SH3TC2: variants seen among roughly 807,000 people sequenced by gnomAD.
The protein encoded by SH3TC2 is SH3 domain and tetratricopeptide repeats 2, also known as SH3 domain and tetratricopeptide repeat-containing protein 2.
In SH3TC2, 87 loss-of-function variants were observed where a neutral mutation model predicts 124.5. That is an observed-to-expected ratio of 0.70 (90% CI 0.59 to 0.84). The LOEUF is 0.84. Ranked by LOEUF, SH3TC2 falls within the 40% of genes least tolerant of loss-of-function variation. SH3TC2 has a pLI of 0.00. For missense variants in SH3TC2, 1,536 were observed against 1,566.4 expected, an observed-to-expected ratio of 0.98 and a Z score of 0.33; for synonymous variants, 634 against 628.5, an observed-to-expected ratio of 1.01 and a Z score of -0.13.
In SH3TC2 at chr5:148,996,095, A is replaced by G. The variant is rs1438924939; in HGVS notation, c.*8616T>C. 6.6e-6 allele frequency among the ~76,000 whole-genome samples: 1 copy of G among 151,930 alleles called. No individual in the cohort carries two copies. The highest frequency in any genetic ancestry group is 2.4e-5 in the African/African-American group (1 of 41,358). The stretch of plus-strand genomic sequence containing the variant: ...CATCTCTACAAAAACTACCAAAAAA[A>G]AAAAAAATTAGCTGGGAGTGGTTGT... On this transcript the variant is annotated 3_prime_UTR_variant, in exon 17 of 17. Transcript: ENST00000515425.
chr5:149,049,969 A>G (rs1202542144), intron 2 of SH3TC2, among the ~76,000 whole-genome samples: 1 of 152,140 alleles, frequency 6.6e-6, no homozygotes, highest in Non-Finnish European at 1.5e-5. Flanking sequence ...AACCTTGGCA[A>G]TAACTGATTC....
chr5:149,047,422 T>G (rs891339715), intron 3 of SH3TC2: 2 of 201,164 alleles, frequency 9.9e-6, no homozygotes, highest in Non-Finnish European at 2.1e-5. Flanking sequence ...AGGTTGTGAA[T>G]GTACTTAGTG....
At chr5:149,051,397 T>A (rs1754554660) in intron 2 of SH3TC2, among the ~76,000 whole-genome samples, 1 of 152,220 alleles carries the variant, frequency 6.6e-6, no homozygotes, top group South Asian at 2.1e-4. Context: ...CTATGTTGGG[T>A]ATCATATAGT....
chr5:149,024,318 G>A (rs1161464124), intron 12 of SH3TC2, among the ~76,000 whole-genome samples: 1 of 152,144 alleles, frequency 6.6e-6, no homozygotes, highest in Non-Finnish European at 1.5e-5. Context: ...TGCACCGTAT[G>A]TCTCCTCCAT....
At chr5:149,031,533 T>C (rs749571315) in intron 9 of SH3TC2, 21 bp downstream of exon 9, 6 of 1,613,990 alleles carry the variant, frequency 3.7e-6, no homozygotes, top group Admixed American at 1.7e-5. Flanking sequence ...CTTTTGAAGG[T>C]GTCTGAGGAC....
At position 148,986,437 on chromosome 5, in the gene SH3TC2, C is replaced by T. The variant is rs572622334; in HGVS notation, c.*18274G>A. The stretch of plus-strand genomic sequence containing the variant: ...GGAAGCCCTGGAAAGCCAAGGTAAC[C>T]CCACTCACTCCCTATTACATCTCCT... On this transcript the variant is annotated 3_prime_UTR_variant, in exon 17 of 17. Coordinates refer to ENST00000515425, the MANE Select transcript of SH3TC2 (RefSeq NM_024577.4). 4.6e-5 allele frequency among the ~76,000 whole-genome samples: 7 copies of T among 152,230 alleles called. No individual in the cohort carries two copies. Among genetic ancestry groups the T allele is most frequent in the African/African-American group, 1.7e-4 (7 of 41,544 alleles).
chr5:149,036,427 C>T (rs140046540), intron 8 of SH3TC2, among the ~76,000 whole-genome samples: 160 of 152,302 alleles, frequency 1.1e-3, no homozygotes, highest in African/African-American at 3.4e-3. Context: ...TTCCTCTCTG[C>T]GTTCTCTCTT....
At chr5:149,052,774 G>A (rs72835367) in intron 1 of SH3TC2, among the ~76,000 whole-genome samples, 237 of 152,208 alleles carry the variant, frequency 1.6e-3, no homozygotes, top group Admixed American at 4.0e-3. Flanking sequence ...TCTTCACAAC[G>A]GTAGAAGTGG....
intron 8 of SH3TC2, 106 bp downstream of exon 8, chr5:149,038,189 T>C: frequency 3.8e-6 from 4 of 1,058,266 alleles, no homozygotes; most frequent in East Asian, 4.8e-5. Flanking sequence ...TCTGGCTCCA[T>C]GTCACCAGGG....
rs1025475 is a variant in SH3TC2 at position 149,010,045 on chromosome 5, G to C, written c.3327+225C>G. Among the ~76,000 whole-genome samples, 62,533 of 151,894 alleles carry C rather than the reference G, an allele frequency of 0.41. 13,127 individuals are homozygous for C. The highest frequency in any genetic ancestry group is 0.47 in the South Asian group (2,251 of 4,810). On this transcript the variant is annotated intron_variant, in intron 14 of 16. Transcript: ENST00000515425. ...ACTCAATTATTTTGATGTATTATCC[G>C]AAGAAGGATAACTTATCAAGCCTGA...
At chr5:149,048,857 G>A (rs1231594802) in intron 2 of SH3TC2, among the ~76,000 whole-genome samples, 2 of 152,142 alleles carry the variant, frequency 1.3e-5, no homozygotes, top group Non-Finnish European at 2.9e-5. Context: ...ATACTGAGGA[G>A]GTTCATCGTA....
chr5:148,999,756 T>A lies in SH3TC2; in HGVS notation c.*4955A>T, dbSNP rs1306446276. ...TCTCCACTGCTGCCCTAATCTAGTC[T>A]CATGCTGCTTCTAGAATCATCTTTC... On this transcript the variant is annotated 3_prime_UTR_variant, in exon 17 of 17. Coordinates refer to ENST00000515425, the MANE Select transcript of SH3TC2 (RefSeq NM_024577.4). 1.3e-5 allele frequency among the ~76,000 whole-genome samples: 2 copies of A among 152,220 alleles called. No homozygotes were observed. The highest frequency in any genetic ancestry group is 2.9e-5 in the Non-Finnish European group (2 of 68,046).
rs1434168859 is a variant in SH3TC2 at position 148,999,819 on chromosome 5, A to G, written c.*4892T>C. On this transcript the variant is annotated 3_prime_UTR_variant, in exon 17 of 17. Transcript: ENST00000515425. ...CTGACCATGTTTCTTTCAACTGCTTATAATCCTTCTATACCTTCCCCTCAA... is the reference window on the plus strand; with the variant it reads ...CTGACCATGTTTCTTTCAACTGCTTGTAATCCTTCTATACCTTCCCCTCAA... Among the ~76,000 whole-genome samples the G allele has an allele frequency of 6.6e-6, 1 of 152,138 alleles. No individual in the cohort carries two copies. The highest frequency in any genetic ancestry group is 2.4e-5 in the African/African-American group (1 of 41,454).
At chr5:149,016,924 CA>C (rs753867645) in intron 12 of SH3TC2, among the ~76,000 whole-genome samples, 41,855 of 92,974 alleles carry the variant, frequency 0.45, 5,480 homozygotes, top group South Asian at 0.5. Context: ...GACTCCGTCT[CA>C]AAAAAAAAAA....
chr5:149,008,590 C>T (rs1295994995), intron 15 of SH3TC2: 1 of 547,992 alleles, frequency 1.8e-6, no homozygotes, highest in Non-Finnish European at 3.3e-6. Flanking sequence ...CAGGATTGTG[C>T]TATGGCTGTT....
chr5:149,051,200 T>G (rs1165448313), intron 2 of SH3TC2, among the ~76,000 whole-genome samples: 3 of 152,226 alleles, frequency 2.0e-5, no homozygotes, highest in Non-Finnish European at 2.9e-5. Context: ...TCGATGTCTT[T>G]TAAAAAGGAT....
chr5:149,019,181 A>G (rs1466308670), intron 12 of SH3TC2, among the ~76,000 whole-genome samples: 2 of 152,230 alleles, frequency 1.3e-5, no homozygotes, highest in African/African-American at 4.8e-5. Flanking sequence ...AACCTCATAC[A>G]GCTTTCCCCT....
At position 149,056,918 on chromosome 5, in the gene SH3TC2, A is replaced by G. The variant is rs141468378; in HGVS notation, c.53-4678T>C. ...AATAAATTACCTTCGAAAAAAATGT[A>G]TGATTTTTATAACTGAAAGAAAATA... On this transcript the variant is annotated intron_variant, in intron 1 of 16. Transcript: ENST00000515425. Among the ~76,000 whole-genome samples, 30 of 152,324 alleles carry G rather than the reference A, an allele frequency of 2.0e-4. No individual in the cohort carries two copies. The East Asian group carries it at 5.6e-3, about 28-fold the overall frequency.
chr5:149,060,230 A>C (rs140308870), intron 1 of SH3TC2, among the ~76,000 whole-genome samples: 1 of 152,348 alleles, frequency 6.6e-6, no homozygotes, highest in Non-Finnish European at 1.5e-5. Flanking sequence ...TTTTTTGATC[A>C]ACAAACTTTG....
Sources: gnomAD v4.1 joint callset for allele counts (sites outside exome capture counted in the v4.1 genomes callset) on GRCh38, gnomAD v4.1.1 for gene constraint, MANE v1.5 for transcripts, NCBI Gene and HGNC (gene_info 2026-07-23, HGNC 2026-07-21) for gene names.